Variants in SSBP2 observed in about 807,000 individuals in gnomAD.
SSBP2 encodes the protein single-stranded DNA-binding protein 2.
In SSBP2, 17 loss-of-function variants were observed where a neutral mutation model predicts 61.8. The observed-to-expected ratio is 0.28, with a 90% confidence interval of 0.19 to 0.41. The LOEUF (loss-of-function observed/expected upper bound fraction) is 0.41, where lower values mean the gene tolerates loss of function less well. SSBP2 is among the 10% of genes least tolerant of loss of function. The probability of loss-of-function intolerance (pLI) is 1.00; values close to 1 mark genes in which losing one functional copy is unlikely to be tolerated. For synonymous variants in SSBP2, 139 were observed against 141.3 expected (o/e 0.98, Z 0.12); for missense variants, 310 against 458.7 (o/e 0.68, Z 2.96).
At chr5:81,663,721 G>C (rs1380769539) in intron 1 of SSBP2, among the ~76,000 whole-genome samples, 2 of 151,956 alleles carry the variant, frequency 1.3e-5, no homozygotes, top group Non-Finnish European at 2.9e-5. Context: ...TTTCTACTTA[G>C]GTCTGTCTAT....
chr5:81,541,354 C>T (rs1432355000), intron 4 of SSBP2, among the ~76,000 whole-genome samples: 1 of 151,972 alleles, frequency 6.6e-6, no homozygotes, highest in African/African-American at 2.4e-5. Flanking sequence ...CTAAGGCACT[C>T]TATAGATTCA....
intron 15 of SSBP2, among the ~76,000 whole-genome samples, chr5:81,436,619 T>C (rs1314989911): frequency 5.9e-5 from 9 of 152,136 alleles, no homozygotes; most frequent in East Asian, 3.8e-4. Context: ...AAATTAGAAA[T>C]AGAATTTCAA....
intron 1 of SSBP2, among the ~76,000 whole-genome samples, chr5:81,739,664 G>C (rs1270116679): frequency 6.6e-6 from 1 of 152,016 alleles, no homozygotes; most frequent in Admixed American, 6.6e-5. Flanking sequence ...AATGAATAAC[G>C]GAGTGGGGAG....
chr5:81,442,594 G>T, intron 13 of SSBP2, 59 bp downstream of exon 13: 5 of 862,424 alleles, frequency 5.8e-6, no homozygotes, highest in Non-Finnish European at 7.6e-6. Context: ...GACATGGAAT[G>T]CACTCAGAGT....
At chr5:81,494,094 C>T (rs1158505580) in intron 5 of SSBP2, among the ~76,000 whole-genome samples, 4 of 152,154 alleles carry the variant, frequency 2.6e-5, no homozygotes, top group Non-Finnish European at 4.4e-5. Flanking sequence ...AGAATGTTCT[C>T]TTCACCAAAT....
chr5:81,447,855 T>A (rs1048049735), intron 11 of SSBP2: 2 of 152,242 alleles, frequency 1.3e-5, no homozygotes, highest in Admixed American at 1.3e-4. Context: ...TTTCTTACTT[T>A]CATTTTTATT....
intron 4 of SSBP2, among the ~76,000 whole-genome samples, chr5:81,537,564 G>T (rs1258144471): frequency 6.6e-6 from 1 of 152,160 alleles, no homozygotes; most frequent in Admixed American, 6.5e-5. Context: ...AAGGTTTGTG[G>T]CAACCATACC....
Position 81,626,004 on chromosome 5 carries a change from G to T in SSBP2, c.198-10447C>A, listed in dbSNP as rs571125214. 2.6e-5 allele frequency among the ~76,000 whole-genome samples: 4 copies of T among 152,278 alleles called. No homozygotes were observed. In the East Asian group the frequency reaches 7.7e-4, roughly 29 times the overall value. ...ATAACTAAGGAAGTCATTTGTCTTT[G>T]TCCCAAAAATATATCAATGAATGTT... On this transcript the variant is annotated intron_variant, in intron 3 of 16. Transcript: ENST00000320672.
chr5:81,602,823 A>G (rs749640231), intron 4 of SSBP2, among the ~76,000 whole-genome samples: 5 of 151,850 alleles, frequency 3.3e-5, no homozygotes, highest in Non-Finnish European at 5.9e-5. Context: ...TTCATTTTCT[A>G]TTTTCCATGT....
intron 4 of SSBP2, among the ~76,000 whole-genome samples, chr5:81,610,490 T>G (rs1745336832): frequency 6.6e-6 from 1 of 152,158 alleles, no homozygotes; most frequent in African/African-American, 2.4e-5. Flanking sequence ...AGTCTTTCCT[T>G]CTAGAGAGTT....
At chr5:81,446,450 T>G (rs1334899067) in intron 12 of SSBP2, among the ~76,000 whole-genome samples, 1 of 151,288 alleles carries the variant, frequency 6.6e-6, no homozygotes, top group East Asian at 1.9e-4. Context: ...AAGTACTTCT[T>G]CATCCTTCAT....
intron 1 of SSBP2, 116 bp downstream of exon 1, chr5:81,750,863 CAG>C: frequency 2.5e-6 from 3 of 1,179,738 alleles, no homozygotes; most frequent in East Asian, 2.6e-5. Context: ...CTCCCCCTGC[CAG>C]CCCACCCCCG....
At chr5:81,694,208 G>A (rs1035014977) in intron 1 of SSBP2, among the ~76,000 whole-genome samples, 3 of 152,126 alleles carry the variant, frequency 2.0e-5, no homozygotes, top group Non-Finnish European at 2.9e-5. Flanking sequence ...AAGTAAGGAT[G>A]GTTAGTGGGT....
chr5:81,674,001 A>G (rs981605071), intron 1 of SSBP2, among the ~76,000 whole-genome samples: 1 of 152,202 alleles, frequency 6.6e-6, no homozygotes. Flanking sequence ...TTTGAACCAG[A>G]TAACCTTTAA....
intron 1 of SSBP2, among the ~76,000 whole-genome samples, chr5:81,707,582 A>G (rs1389073012): frequency 6.6e-6 from 1 of 152,186 alleles, no homozygotes; most frequent in Non-Finnish European, 1.5e-5. Flanking sequence ...TCTTGCCTCC[A>G]GAATCATGAG....
chr5:81,749,531 A>G (rs1406055966), intron 1 of SSBP2, among the ~76,000 whole-genome samples: 1 of 152,170 alleles, frequency 6.6e-6, no homozygotes, highest in African/African-American at 2.4e-5. Flanking sequence ...TAACCAAAGT[A>G]CCTTTGAGAG....
At chr5:81,610,492 T>C (rs1464062719) in intron 4 of SSBP2, among the ~76,000 whole-genome samples, 2 of 152,200 alleles carry the variant, frequency 1.3e-5, no homozygotes, top group East Asian at 1.9e-4. Context: ...TCTTTCCTTC[T>C]AGAGAGTTTA....
At chr5:81,476,889 T>C (rs933759169) in intron 6 of SSBP2, among the ~76,000 whole-genome samples, 2 of 152,222 alleles carry the variant, frequency 1.3e-5, no homozygotes, top group African/African-American at 2.4e-5. Context: ...TACTCAGTCA[T>C]AGATTTCTAT....
At chr5:81,549,208 G>A (rs1382885409) in intron 4 of SSBP2, among the ~76,000 whole-genome samples, 5 of 152,062 alleles carry the variant, frequency 3.3e-5, no homozygotes, top group Non-Finnish European at 5.9e-5. Flanking sequence ...CCTTAACTGT[G>A]CCATTGAAAT....
Sources: allele counts gnomAD v4.1 joint callset (sites outside exome capture counted in the v4.1 genomes callset), GRCh38; gene constraint gnomAD v4.1.1; transcripts MANE v1.5; gene names NCBI Gene and HGNC (gene_info 2026-07-23, HGNC 2026-07-21).